CPEB3: variants seen among roughly 807,000 people sequenced by gnomAD.
The protein encoded by CPEB3 is cytoplasmic polyadenylation element-binding protein 3.
A neutral mutation model predicts 67.2 loss-of-function variants in CPEB3; 20 were observed. The ratio of observed to expected loss-of-function variants is 0.30; its 90% CI spans 0.21 to 0.43. The LOEUF (loss-of-function observed/expected upper bound fraction) is 0.43. Among genes scored for constraint, CPEB3 ranks in the 20% least tolerant of loss-of-function variants. The pLI is 1.00. For missense variants in CPEB3, 746 were observed against 968.6 expected, an observed-to-expected ratio of 0.77 and a Z score of 3.05; for synonymous variants, 376 against 393.1, an observed-to-expected ratio of 0.96 and a Z score of 0.51.
chr10:92,098,080 G>A (rs1347502972), intron 7 of CPEB3, among the ~76,000 whole-genome samples: 1 of 136,016 alleles, frequency 7.4e-6, no homozygotes, highest in Non-Finnish European at 1.5e-5. Flanking sequence ...AGAATCGCTT[G>A]AACCCAGGAA....
intron 4 of CPEB3, among the ~76,000 whole-genome samples, chr10:92,157,093 A>C (rs1020277940): frequency 6.6e-6 from 1 of 152,256 alleles, no homozygotes; most frequent in Non-Finnish European, 1.5e-5. Flanking sequence ...TAACTTGGTC[A>C]CACAGCAAGT....
At chr10:92,228,990 A>G (rs1253875270) in intron 2 of CPEB3, among the ~76,000 whole-genome samples, 2 of 151,712 alleles carry the variant, frequency 1.3e-5, no homozygotes, top group African/African-American at 4.8e-5. Context: ...GGGATTACAG[A>G]CGTGAGCCAC....
intron 1 of CPEB3, among the ~76,000 whole-genome samples, chr10:92,270,063 A>G (rs954819435): frequency 6.6e-6 from 1 of 152,168 alleles, no homozygotes; most frequent in Non-Finnish European, 1.5e-5. Flanking sequence ...GAGGATGCTC[A>G]TGGCATCCCT....
chr10:92,267,807 T>C (rs143165019), intron 1 of CPEB3, among the ~76,000 whole-genome samples: 13 of 152,256 alleles, frequency 8.5e-5, no homozygotes, highest in African/African-American at 3.1e-4. Flanking sequence ...AAAGAGCTTG[T>C]GTTGACCTAT....
Position 92,051,939 on chromosome 10 carries a change from C to G in CPEB3, c.*273G>C. 3.0e-6 allele frequency: 1 copy of G among 336,860 alleles called. No individual in the cohort carries two copies. The highest frequency in any genetic ancestry group is 5.4e-6 in the Non-Finnish European group (1 of 183,726). The allele number at this position is 336,860 out of a possible 1,614,324, so 20.9% of individuals were successfully genotyped here. On this transcript the variant is annotated 3_prime_UTR_variant, in exon 10 of 10. Coordinates refer to ENST00000265997, the MANE Select transcript of CPEB3 (RefSeq NM_014912.5). ...CTACATACTGTCACGAGTGACAAAT[C>G]AGGTATAAAAAATTAAGGTACCAAG...
intron 5 of CPEB3, 59 bp from the exon 6 acceptor site, chr10:92,143,177 A>G: frequency 7.8e-7 from 1 of 1,287,332 alleles, no homozygotes; most frequent in Non-Finnish European, 1.1e-6. Flanking sequence ...TCAGAAAACC[A>G]GAAGAGCACA....
At chr10:92,236,853 A>C (rs1051302193) in intron 2 of CPEB3, among the ~76,000 whole-genome samples, 1 of 152,222 alleles carries the variant, frequency 6.6e-6, no homozygotes. Context: ...GGCAAAAAAG[A>C]AGCAGTGCAG....
intron 9 of CPEB3, among the ~76,000 whole-genome samples, chr10:92,070,863 A>C (rs1171237991): frequency 6.6e-6 from 1 of 151,990 alleles, no homozygotes; most frequent in Non-Finnish European, 1.5e-5. Flanking sequence ...TAAAAAAAAA[A>C]AAAAAACTCA....
chr10:92,187,073 T>C (rs1246104638), intron 3 of CPEB3, among the ~76,000 whole-genome samples: 1 of 152,142 alleles, frequency 6.6e-6, no homozygotes, highest in African/African-American at 2.4e-5. Flanking sequence ...TTTTCTAAAA[T>C]AAGAAGACCT....
intron 2 of CPEB3, among the ~76,000 whole-genome samples, chr10:92,225,857 G>A (rs556518542): frequency 3.3e-5 from 5 of 152,308 alleles, no homozygotes; most frequent in African/African-American, 1.2e-4. Context: ...CCAGCACTTT[G>A]GGAGGCCGAG....
intron 7 of CPEB3, among the ~76,000 whole-genome samples, chr10:92,095,722 CTTT>C (rs1166150144): frequency 6.7e-6 from 1 of 150,250 alleles, no homozygotes; most frequent in African/African-American, 2.4e-5. Flanking sequence ...AAAATAACCA[CTTT>C]TTAATTATCT....
chr10:92,151,216 A>G (rs1439835308), intron 4 of CPEB3, among the ~76,000 whole-genome samples: 2 of 152,204 alleles, frequency 1.3e-5, no homozygotes, highest in African/African-American at 4.8e-5. Flanking sequence ...ATGCTGTGAA[A>G]GCTGCTGGGA....
chr10:92,248,339 T>C (rs960494533), intron 1 of CPEB3, among the ~76,000 whole-genome samples: 1 of 152,248 alleles, frequency 6.6e-6, no homozygotes, highest in Non-Finnish European at 1.5e-5. Context: ...CACTTTTTTT[T>C]CCAAATATTT....
At chr10:92,052,520 A>C (rs1841934245) in intron 9 of CPEB3, 81 bp from the exon 10 acceptor site, 1 of 1,185,424 alleles carries the variant, frequency 8.4e-7, no homozygotes, top group Admixed American at 1.8e-5. Context: ...TTTACACTAT[A>C]GCTTCAACGT....
intron 2 of CPEB3, among the ~76,000 whole-genome samples, chr10:92,196,806 C>T (rs2134209420): frequency 6.6e-6 from 1 of 151,288 alleles, no homozygotes; most frequent in South Asian, 2.1e-4. Flanking sequence ...GTGGCAGGTG[C>T]CTGTAATCCC....
intron 1 of CPEB3, among the ~76,000 whole-genome samples, chr10:92,284,279 C>T (rs373078691): frequency 2.0e-5 from 3 of 151,908 alleles, no homozygotes; most frequent in Non-Finnish European, 2.9e-5. Flanking sequence ...CCTCGTCATC[C>T]GCCCGCCTCA....
At chr10:92,181,768 T>C (rs944097736) in intron 3 of CPEB3, among the ~76,000 whole-genome samples, 4 of 152,176 alleles carry the variant, frequency 2.6e-5, no homozygotes, top group Admixed American at 2.6e-4. Context: ...AAGAACAATA[T>C]GTGACAGAGA....
rs756970118 is a variant in CPEB3 at position 92,188,320 on chromosome 10, T to TAA, written c.1165+4155_1165+4156dup. ...AAAGAAAAGTATATGTAAGACATAG[T>TAA]AAAAAAAAAAAAAAAAAAAAAAAAA... On this transcript the variant is annotated intron_variant, in intron 3 of 9. Coordinates refer to ENST00000265997, the MANE Select transcript of CPEB3 (RefSeq NM_014912.5). 7.2e-3 allele frequency among the ~76,000 whole-genome samples: 265 copies of TAA among 36,970 alleles called. 16 individuals carry two copies. Among genetic ancestry groups the TAA allele is most frequent in the East Asian group, 0.032 (36 of 1,128 alleles). The allele number at this position is 36,970 out of a possible 152,430, so 24.3% of individuals were successfully genotyped here. A position where few individuals can be genotyped will look rare whatever the true frequency, so the allele number is the denominator to read the frequency against.
chr10:92,136,066 T>G (rs534120411), intron 6 of CPEB3, among the ~76,000 whole-genome samples: 21 of 152,034 alleles, frequency 1.4e-4, no homozygotes, highest in African/African-American at 5.1e-4. Flanking sequence ...TTGTAAATGA[T>G]GAGTTAATGG....
Sources: gnomAD v4.1 joint callset for allele counts (sites outside exome capture counted in the v4.1 genomes callset) on GRCh38, gnomAD v4.1.1 for gene constraint, MANE v1.5 for transcripts, NCBI Gene and HGNC (gene_info 2026-07-23, HGNC 2026-07-21) for gene names.